The following PCDH15 variants were observed in gnomAD, a reference collection of about 807,000 sequenced individuals.
PCDH15 encodes protocadherin related 15.
A neutral mutation model predicts 178.5 loss-of-function variants in PCDH15; 129 were observed. That is an observed-to-expected ratio of 0.72 (90% CI 0.63 to 0.84). The LOEUF (loss-of-function observed/expected upper bound fraction) is 0.84, where lower values mean the gene tolerates loss of function less well. Ranked by LOEUF, PCDH15 falls within the 40% of genes least tolerant of loss-of-function variation. PCDH15 has a pLI of 0.00. For synonymous variants in PCDH15, 800 were observed against 732.0 expected, an observed-to-expected ratio of 1.09 and a Z score of -1.50; for missense variants, 2,230 against 2,099.9, an observed-to-expected ratio of 1.06 and a Z score of -1.21.
intron 1 of PCDH15, among the ~76,000 whole-genome samples, chr10:54,715,999 A>G (rs1370923437): frequency 1.3e-5 from 2 of 152,110 alleles, no homozygotes; most frequent in African/African-American, 2.4e-5. Context: ...GTTATGATTT[A>G]GGCCACCTCA....
intron 2 of PCDH15, among the ~76,000 whole-genome samples, chr10:54,946,476 C>A (rs1838202781): frequency 6.6e-6 from 1 of 151,660 alleles, no homozygotes; most frequent in African/African-American, 2.4e-5. Flanking sequence ...AAGAACAACA[C>A]CCTAACGTTT....
chr10:54,243,936 A>T (rs1164533828), intron 8 of PCDH15, among the ~76,000 whole-genome samples: 3 of 152,180 alleles, frequency 2.0e-5, no homozygotes, highest in Non-Finnish European at 4.4e-5. Flanking sequence ...CCTCTTTGAA[A>T]CTGATTCACT....
intron 16 of PCDH15, among the ~76,000 whole-genome samples, chr10:54,085,541 T>A (rs1911425): frequency 0.33 from 49,887 of 152,030 alleles, 8,888 homozygotes; most frequent in Middle Eastern, 0.46. Context: ...GAATATTTGC[T>A]AAATCATATG....
chr10:54,804,927 T>TTATATATATATATATATA (rs71014419), upstream of PCDH15, among the ~76,000 whole-genome samples: 543 of 50,772 alleles, frequency 0.011, 69 homozygotes, highest in African/African-American at 0.028. Context: ...TCATAGTAGA[T>TTATATATATATATATATA]TATATATATA....
At chr10:54,732,293 G>A (rs1463088400) in intron 1 of PCDH15, among the ~76,000 whole-genome samples, 2 of 151,262 alleles carry the variant, frequency 1.3e-5, no homozygotes, top group Non-Finnish European at 3.0e-5. Flanking sequence ...CAGAGCCAGA[G>A]ACAGAGCAAG....
At chr10:54,465,743 T>G (rs968843907) in intron 3 of PCDH15, among the ~76,000 whole-genome samples, 2 of 151,994 alleles carry the variant, frequency 1.3e-5, no homozygotes, top group African/African-American at 4.8e-5. Context: ...TTTCTTCTCT[T>G]TTGAATAGAT....
At chr10:55,416,344 T>C (rs1255914485) in intron 2 of PCDH15, among the ~76,000 whole-genome samples, 1 of 151,694 alleles carries the variant, frequency 6.6e-6, no homozygotes, top group Non-Finnish European at 1.5e-5. Context: ...ATGATAACCA[T>C]TGTAAGTAAG....
At chr10:55,402,836 C>T (rs1318317799) in intron 2 of PCDH15, among the ~76,000 whole-genome samples, 2 of 152,006 alleles carry the variant, frequency 1.3e-5, no homozygotes, top group East Asian at 3.9e-4. Context: ...TGGATAAATA[C>T]CCAGTAGTGT....
chr10:53,918,685 C>T (rs1016564015), intron 25 of PCDH15, among the ~76,000 whole-genome samples: 5 of 151,490 alleles, frequency 3.3e-5, no homozygotes, highest in African/African-American at 1.2e-4. Context: ...CTCAAATAGG[C>T]GCCTCTGTCC....
At chr10:54,669,470 AAAG>A (rs1174925805) in intron 1 of PCDH15, among the ~76,000 whole-genome samples, 17 of 151,328 alleles carry the variant, frequency 1.1e-4, no homozygotes, top group South Asian at 2.1e-4. Context: ...CAATTTATAT[AAAG>A]AAGTATATAT....
chr10:55,578,320 T>C (rs1455770931), intron 2 of PCDH15, among the ~76,000 whole-genome samples: 1 of 152,006 alleles, frequency 6.6e-6, no homozygotes, highest in East Asian at 1.9e-4. Flanking sequence ...TGGGTTCAAG[T>C]GATTCTCCTG....
At chr10:55,322,714 G>C (rs1480879240), upstream of PCDH15, among the ~76,000 whole-genome samples, 2 of 150,904 alleles carry the variant, frequency 1.3e-5, no homozygotes, top group South Asian at 4.3e-4. Context: ...ATAATTTAGG[G>C]TATCTGGCAG....
rs200226791 is a variant in PCDH15 at position 54,132,956 on chromosome 10, G to T, written c.1836C>A (p.Ser612Arg). The part of the protein sequence containing the change: ...YIEVLPPNNQ[S>R]PPRFPQLMYS... Reference sequence around the variant, plus strand: ...ACATCAGCTGTGGGAAGCGAGGAGGGCTTTGATTATTTGGTGGAAGCACTT... The same window carrying T: ...ACATCAGCTGTGGGAAGCGAGGAGGTCTTTGATTATTTGGTGGAAGCACTT... The change falls in exon 15 of 38, where the codon AGC (serine) becomes AGA (arginine). Residue 612 changes from serine (S) to arginine (R), a missense_variant. Physicochemically the swap from Ser to Arg is moderately radical, Grantham distance 110. Coordinates refer to ENST00000644397, the MANE Select transcript of PCDH15 (RefSeq NM_001384140.1). 44 of 1,614,112 alleles carry T rather than the reference G, an allele frequency of 2.7e-5. 1 individual carries two copies. In the Admixed American group the frequency reaches 5.2e-4, roughly 19 times the overall value.
chr10:55,434,361 T>C (rs1179845317), intron 2 of PCDH15, among the ~76,000 whole-genome samples: 2 of 152,072 alleles, frequency 1.3e-5, no homozygotes, highest in Non-Finnish European at 2.9e-5. Flanking sequence ...CGGCCAATTC[T>C]CCGCTTTTTC....
At chr10:54,553,938 C>T (rs1333715746) in intron 2 of PCDH15, among the ~76,000 whole-genome samples, 1 of 152,088 alleles carries the variant, frequency 6.6e-6, no homozygotes, top group Non-Finnish European at 1.5e-5. Flanking sequence ...TGAACCCTTG[C>T]CTCATATATG....
chr10:54,391,249 T>G (rs1361839273), intron 3 of PCDH15, among the ~76,000 whole-genome samples: 1 of 152,184 alleles, frequency 6.6e-6, no homozygotes, highest in Non-Finnish European at 1.5e-5. Flanking sequence ...ACCACAGGTG[T>G]CATTTGAGTA....
intron 25 of PCDH15, among the ~76,000 whole-genome samples, chr10:53,935,407 G>T (rs2085480325): frequency 6.6e-6 from 1 of 152,034 alleles, no homozygotes; most frequent in African/African-American, 2.4e-5. Flanking sequence ...AAGAGATGAA[G>T]CAGAAGCATT....
intron 21 of PCDH15, among the ~76,000 whole-genome samples, chr10:53,967,341 A>G (rs2089145403): frequency 6.6e-6 from 1 of 152,142 alleles, no homozygotes; most frequent in Non-Finnish European, 1.5e-5. Context: ...TCTTTCCTTT[A>G]TTAACTACCC....
intron 1 of PCDH15, among the ~76,000 whole-genome samples, chr10:54,712,175 T>G (rs2095433953): frequency 6.6e-6 from 1 of 151,830 alleles, no homozygotes; most frequent in Admixed American, 6.6e-5. Flanking sequence ...TTACTTAATC[T>G]TCAAAGTTTC....
Sources: allele counts gnomAD v4.1 joint callset (sites outside exome capture counted in the v4.1 genomes callset), GRCh38; gene constraint gnomAD v4.1.1; transcripts MANE v1.5; gene names NCBI Gene and HGNC (gene_info 2026-07-23, HGNC 2026-07-21).